Variants in TMEM117 observed in about 807,000 individuals in gnomAD.
TMEM117 encodes the protein transmembrane protein 117.
A neutral mutation model predicts 52.4 loss-of-function variants in TMEM117; 27 were observed. The observed-to-expected ratio is 0.51, with a 90% CI of 0.38 to 0.71. TMEM117 has a LOEUF of 0.71. Ranked by LOEUF, TMEM117 falls within the 30% of genes least tolerant of loss-of-function variation. TMEM117 has a pLI of 0.00. For missense variants in TMEM117, 556 were observed against 630.5 expected (o/e 0.88, Z 1.26); for synonymous variants, 215 against 206.3 (o/e 1.04, Z -0.36).
chr12:44,272,541 C>T (rs533819225), intron 5 of TMEM117, among the ~76,000 whole-genome samples: 1 of 152,170 alleles, frequency 6.6e-6, no homozygotes, highest in Admixed American at 6.5e-5. Context: ...AAAACAACCC[C>T]ATCAACAAGT....
At chr12:44,277,534 A>G (rs981053562) in intron 5 of TMEM117, among the ~76,000 whole-genome samples, 1 of 152,044 alleles carries the variant, frequency 6.6e-6, no homozygotes, top group East Asian at 1.9e-4. Flanking sequence ...ATACATTTTT[A>G]TCTTGAGCTT....
intron 5 of TMEM117, among the ~76,000 whole-genome samples, chr12:44,227,276 C>G (rs1949874487): frequency 6.6e-6 from 1 of 152,028 alleles, no homozygotes; most frequent in African/African-American, 2.4e-5. Context: ...AGTTTGAGAC[C>G]AGCCTGGACA....
At chr12:44,168,654 T>C (rs1178171790) in intron 4 of TMEM117, among the ~76,000 whole-genome samples, 5 of 152,188 alleles carry the variant, frequency 3.3e-5, no homozygotes, top group African/African-American at 1.2e-4. Flanking sequence ...TTGATAAAAG[T>C]TCCCAAAATT....
chr12:43,961,653 T>C (rs1945405504), intron 3 of TMEM117, among the ~76,000 whole-genome samples: 2 of 152,204 alleles, frequency 1.3e-5, no homozygotes, highest in South Asian at 4.1e-4. Context: ...TGATAATTCT[T>C]TTTAAAAAGA....
intron 2 of TMEM117, among the ~76,000 whole-genome samples, chr12:43,928,223 G>A (rs1237218664): frequency 2.0e-5 from 3 of 151,944 alleles, no homozygotes; most frequent in Non-Finnish European, 4.4e-5. Context: ...TTACTTCCAT[G>A]CGATTGCTGT....
chr12:43,963,956 A>G (rs11182349), intron 3 of TMEM117, among the ~76,000 whole-genome samples: 2,515 of 152,298 alleles, frequency 0.017, 47 homozygotes, highest in East Asian at 0.069. Context: ...GGAGACCTCA[A>G]TGATAAGCAC....
chr12:44,292,631 A>G (rs1460904407), intron 5 of TMEM117, among the ~76,000 whole-genome samples: 1 of 151,954 alleles, frequency 6.6e-6, no homozygotes, highest in African/African-American at 2.4e-5. Context: ...TATTTGCTGC[A>G]TCCTATCAGT....
intron 3 of TMEM117, among the ~76,000 whole-genome samples, chr12:43,959,905 T>TAC (rs1945374187): frequency 6.6e-6 from 1 of 152,024 alleles, no homozygotes; most frequent in South Asian, 2.1e-4. Flanking sequence ...TTTCCAAAGG[T>TAC]ATGTAGCTAA....
At chr12:43,941,174 A>C (rs1160760242) in intron 2 of TMEM117, among the ~76,000 whole-genome samples, 1 of 152,220 alleles carries the variant, frequency 6.6e-6, no homozygotes, top group African/African-American at 2.4e-5. Flanking sequence ...AAATATTCAT[A>C]TATCTGTGAT....
At chr12:43,923,755 C>T (rs1323648266) in intron 2 of TMEM117, among the ~76,000 whole-genome samples, 1 of 152,050 alleles carries the variant, frequency 6.6e-6, no homozygotes, top group African/African-American at 2.4e-5. Flanking sequence ...TTTACAGAGT[C>T]ATGTAAAACC....
chr12:44,128,277 C>T (rs1948360076), intron 3 of TMEM117, among the ~76,000 whole-genome samples: 1 of 152,222 alleles, frequency 6.6e-6, no homozygotes, highest in South Asian at 2.1e-4. Context: ...TTGCCCTCCT[C>T]TGCCCTTCTC....
intron 2 of TMEM117, among the ~76,000 whole-genome samples, chr12:43,912,144 A>C (rs1255270347): frequency 6.6e-6 from 1 of 150,502 alleles, no homozygotes; most frequent in Non-Finnish European, 1.5e-5. Flanking sequence ...TGGCACATAT[A>C]CACCATGGAA....
At chr12:43,944,501 CAT>C (rs1491270601) in intron 3 of TMEM117, among the ~76,000 whole-genome samples, 159 bp downstream of exon 3, 8 of 151,654 alleles carry the variant, frequency 5.3e-5, no homozygotes, top group Non-Finnish European at 8.8e-5. Flanking sequence ...AAGACATTAA[CAT>C]TTTTTTTTTC....
At chr12:43,930,277 C>T (rs949511269) in intron 2 of TMEM117, among the ~76,000 whole-genome samples, 15 of 152,116 alleles carry the variant, frequency 9.9e-5, no homozygotes, top group Admixed American at 4.6e-4. Context: ...CTTACCTCAC[C>T]TACATAGTTT....
intron 6 of TMEM117, among the ~76,000 whole-genome samples, chr12:44,364,685 T>C (rs931136080): frequency 4.6e-5 from 7 of 152,148 alleles, no homozygotes; most frequent in African/African-American, 1.7e-4. Context: ...TCCATTGATA[T>C]ACAAACAAGG....
At chr12:44,375,843 G>C (rs1204647279) in intron 6 of TMEM117, among the ~76,000 whole-genome samples, 2 of 152,108 alleles carry the variant, frequency 1.3e-5, no homozygotes, top group African/African-American at 4.8e-5. Flanking sequence ...TTACTTTGGT[G>C]CCTCTATCTG....
chr12:43,796,668 C>T, the TMEM117 span, among the ~76,000 whole-genome samples: 1 of 152,020 alleles, frequency 6.6e-6, no homozygotes, highest in South Asian at 2.1e-4. Flanking sequence ...CTGCACTAAC[C>T]AATACGGTAG....
chr12:43,913,621 G>T (rs1240416238), intron 2 of TMEM117, among the ~76,000 whole-genome samples: 2 of 152,056 alleles, frequency 1.3e-5, no homozygotes, highest in African/African-American at 2.4e-5. Flanking sequence ...CTAACATCCA[G>T]GTGTTCTCTG....
intron 6 of TMEM117, among the ~76,000 whole-genome samples, chr12:44,317,002 C>CTTT (rs1202276425): frequency 8.2e-6 from 1 of 121,530 alleles, no homozygotes; most frequent in African/African-American, 3.0e-5. Context: ...TTTTCTTTTT[C>CTTT]TTTTTTTTTT....
Sources: gnomAD v4.1 joint callset for allele counts (sites outside exome capture counted in the v4.1 genomes callset) on GRCh38, gnomAD v4.1.1 for gene constraint, MANE v1.5 for transcripts, NCBI Gene and HGNC (gene_info 2026-07-23, HGNC 2026-07-21) for gene names.